The following PRPF18 variants were observed in gnomAD, a reference collection of about 807,000 sequenced individuals.
PRPF18 encodes pre-mRNA-splicing factor 18.
A neutral mutation model predicts 46.5 loss-of-function variants in PRPF18; 38 were observed. The observed-to-expected ratio is 0.82, with a 90% confidence interval of 0.63 to 1.07. The LOEUF is 1.07. Ranked by LOEUF, PRPF18 falls within the 50% of genes least tolerant of loss-of-function variation. The pLI, the probability that PRPF18 is intolerant of heterozygous loss-of-function variation, is 0.00. For synonymous variants in PRPF18, 152 were observed against 146.7 expected, an observed-to-expected ratio of 1.04 and a Z score of -0.26; for missense variants, 263 against 410.0, an observed-to-expected ratio of 0.64 and a Z score of 3.10.
intron 1 of PRPF18, among the ~76,000 whole-genome samples, chr10:13,588,584 A>G (rs1004607222): frequency 2.0e-5 from 3 of 151,968 alleles, no homozygotes; most frequent in Non-Finnish European, 4.4e-5. Context: ...TCTAAAAAAA[A>G]AAAAAAAAAA....
chr10:13,627,869 C>T (rs7099816), intron 9 of PRPF18, among the ~76,000 whole-genome samples: 4,222 of 152,276 alleles, frequency 0.028, 96 homozygotes, highest in Non-Finnish European at 0.045. Flanking sequence ...CTTCCGCTTG[C>T]GCATAACAAT....
chr10:13,635,345 G>A (rs550779642), downstream of PRPF18, among the ~76,000 whole-genome samples: 17 of 152,222 alleles, frequency 1.1e-4, no homozygotes, highest in South Asian at 4.2e-4. Context: ...GAATTGTGTC[G>A]CAGTGAACAT....
At chr10:13,609,228 A>G (rs1423521924) in intron 4 of PRPF18, among the ~76,000 whole-genome samples, 1 of 152,252 alleles carries the variant, frequency 6.6e-6, no homozygotes, top group Admixed American at 6.5e-5. Flanking sequence ...GTTCTGGAAC[A>G]GCTGCATCAC....
intron 1 of PRPF18, among the ~76,000 whole-genome samples, chr10:13,590,375 G>C (rs1240106139): frequency 6.6e-6 from 1 of 150,980 alleles, no homozygotes; most frequent in East Asian, 1.9e-4. Context: ...GGAGCCTGGG[G>C]TGGGCAGATC....
chr10:13,646,949 G>A, the PRPF18 span: 1 of 979,294 alleles, frequency 1.0e-6, no homozygotes, highest in Non-Finnish European at 1.2e-6. Flanking sequence ...GAGGGTCCCG[G>A]GCTTGGCTTT....
chr10:13,619,565 C>G (rs569254091), intron 9 of PRPF18, among the ~76,000 whole-genome samples: 2 of 152,284 alleles, frequency 1.3e-5, no homozygotes, highest in South Asian at 4.1e-4. Context: ...TCAACTCATG[C>G]GCCCAAGAGT....
chr10:13,633,380 C>A (rs1266311342), downstream of PRPF18, among the ~76,000 whole-genome samples: 2 of 152,172 alleles, frequency 1.3e-5, no homozygotes, highest in Non-Finnish European at 2.9e-5. Flanking sequence ...TCCAGCACTT[C>A]AGAGCACTCT....
chr10:13,621,997 A>G (rs565644200), intron 9 of PRPF18, among the ~76,000 whole-genome samples: 59 of 146,190 alleles, frequency 4.0e-4, no homozygotes, highest in African/African-American at 1.4e-3. Context: ...GTATAACAGA[A>G]ACATTCATGA....
chr10:13,617,184 T>G (rs1033173127), intron 9 of PRPF18, among the ~76,000 whole-genome samples: 1 of 152,242 alleles, frequency 6.6e-6, no homozygotes. Flanking sequence ...AATCCCAGAT[T>G]GTGTCTGTAA....
chr10:13,591,086 G>C (rs1484720150), intron 1 of PRPF18, among the ~76,000 whole-genome samples: 2 of 152,226 alleles, frequency 1.3e-5, no homozygotes, highest in African/African-American at 2.4e-5. Context: ...TATTCCTGTG[G>C]CCAGCCGGGA....
At chr10:13,647,065 C>G in the PRPF18 span, 2 of 581,762 alleles carry the variant, frequency 3.4e-6, no homozygotes, top group Non-Finnish European at 4.3e-6. Flanking sequence ...GGAGATGAGA[C>G]AGTTAGTTAG....
chr10:13,622,006 G>C (rs1250886021), intron 9 of PRPF18, among the ~76,000 whole-genome samples: 1 of 142,750 alleles, frequency 7.0e-6, no homozygotes, highest in Non-Finnish European at 1.6e-5. Context: ...AAACATTCAT[G>C]ACTGCAATAA....
intron 9 of PRPF18, among the ~76,000 whole-genome samples, chr10:13,628,545 AT>A (rs1243322037): frequency 2.6e-5 from 4 of 152,152 alleles, no homozygotes; most frequent in Non-Finnish European, 4.4e-5. Context: ...TATTTGTATT[AT>A]TTTTAATTCT....
Position 13,592,384 on chromosome 10 carries a change from G to T in PRPF18, c.67-5074G>T, listed in dbSNP as rs951627648. On this transcript the variant is annotated intron_variant, in intron 1 of 9. Transcript: ENST00000378572. ...AATTTTTTAGAAAACACGGGTCAGG[G>T]ATCAGTAGATTGTTGTCATTACCGC... 1.2e-5 allele frequency: 3 copies of T among 244,224 alleles called. No individual in the cohort carries two copies. The South Asian group carries it at 1.9e-4, about 15-fold the overall frequency. 15.1% of individuals were successfully genotyped at this position (244,224 alleles called of 1,614,324 possible).
At chr10:13,587,218 G>T (rs1357803297) in intron 1 of PRPF18, 66 bp downstream of exon 1, 1 of 1,518,798 alleles carries the variant, frequency 6.6e-7, no homozygotes, top group South Asian at 1.1e-5. Context: ...GGGTTTTGGG[G>T]TGAGGGTGAC....
chr10:13,611,451 G>A (rs555538000), intron 5 of PRPF18, among the ~76,000 whole-genome samples, 164 bp from the exon 6 acceptor site: 9 of 152,130 alleles, frequency 5.9e-5, no homozygotes, highest in African/African-American at 1.9e-4. Flanking sequence ...TGGCAAATCC[G>A]TGTTTTTTGT....
rs777516810 is a variant in PRPF18 at position 13,603,445 on chromosome 10, A to G, written c.250-2186A>G. On this transcript the variant is annotated intron_variant, in intron 3 of 9. Transcript: ENST00000378572. ...ACCACTGTTATATAATTCCAGGTAG[A>G]TGAGAGTTAGCTATTTAAACTGATA... Among the ~76,000 whole-genome samples, 7 of 152,336 alleles carry G rather than the reference A, an allele frequency of 4.6e-5. 1 individual carries two copies. The South Asian group carries it at 8.3e-4, about 18-fold the overall frequency.
chr10:13,592,111 T>G, intron 1 of PRPF18: 1 of 583,412 alleles, frequency 1.7e-6, no homozygotes, highest in Non-Finnish European at 3.1e-6. Context: ...GCTGAGTACT[T>G]CCTCTTATAC....
At chr10:13,649,141 T>C in the PRPF18 span, 5 of 152,356 alleles carry the variant, frequency 3.3e-5, no homozygotes, top group South Asian at 1.0e-3. Flanking sequence ...CTCTCTTGTA[T>C]GTTGGATCCT....
Sources: allele counts gnomAD v4.1 joint callset (sites outside exome capture counted in the v4.1 genomes callset), GRCh38; gene constraint gnomAD v4.1.1; transcripts MANE v1.5; gene names NCBI Gene and HGNC (gene_info 2026-07-23, HGNC 2026-07-21).